Variants in GSTA5 observed in about 807,000 individuals in gnomAD.
GSTA5 encodes glutathione S-transferase A5.
A neutral mutation model predicts 21.8 loss-of-function variants in GSTA5; 25 were observed. That is an observed-to-expected ratio of 1.14 (90% CI 0.83 to 1.60). The LOEUF (loss-of-function observed/expected upper bound fraction) is 1.60. Ranked by LOEUF, GSTA5 falls within the 40% of genes most tolerant of loss-of-function variation. The probability of loss-of-function intolerance (pLI) is 0.00; values close to 1 mark genes in which losing one functional copy is unlikely to be tolerated. For missense variants in GSTA5, 330 were observed against 259.2 expected, an observed-to-expected ratio of 1.27 and a Z score of -1.88; for synonymous variants, 102 against 89.5, an observed-to-expected ratio of 1.14 and a Z score of -0.78.
intron 3 of GSTA5, among the ~76,000 whole-genome samples, 173 bp from the exon 4 acceptor site, chr6:52,834,455 T>C (rs1019949786): frequency 2.0e-5 from 3 of 152,208 alleles, no homozygotes; most frequent in Non-Finnish European, 2.9e-5. Context: ...AGTCATTATG[T>C]TCTGATTTTT....
At position 52,837,628 on chromosome 6, in the gene GSTA5, A is replaced by T. The variant is rs769690230; in HGVS notation, c.88-19T>A. On this transcript the variant is annotated intron_variant, in intron 1 of 5. Coordinates refer to ENST00000370989, the Ensembl canonical transcript of GSTA5. The stretch of plus-strand genomic sequence containing the variant: ...CTTCCAACTGGAAGCAGAAACAGTA[A>T]ATGGGTTCTTCTTAGTTAATTCTAT... 6.3e-7 allele frequency: 1 copy of T among 1,580,236 alleles called. No individual in the cohort carries two copies. Among genetic ancestry groups the T allele is most frequent in the South Asian group, 1.1e-5 (1 of 90,062 alleles).
upstream of GSTA5, among the ~76,000 whole-genome samples, chr6:52,843,290 T>C (rs1460484698): frequency 1.3e-5 from 2 of 152,218 alleles, no homozygotes; most frequent in African/African-American, 4.8e-5. Flanking sequence ...CTGGGTCAAA[T>C]AGTATTTCTA....
In GSTA5 at chr6:52,832,813, A is replaced by G. The variant is rs1300155410; in HGVS notation, c.546+46T>C. The G allele has an allele frequency of 5.6e-6, 9 of 1,612,196 alleles. No homozygotes were observed. The African/African-American group carries it at 9.4e-5, about 17-fold the overall frequency. On this transcript the variant is annotated intron_variant, in intron 5 of 5. Transcript: ENST00000370989. ...CCCGGGGCCCAGATATGAGATCCCA[A>G]TATAAGAGATGTGGGGCTGTCTCTC...
chr6:52,834,231 A>C, exon 4 of GSTA5: 1 of 1,614,044 alleles, frequency 6.2e-7, no homozygotes, highest in African/African-American at 1.3e-5. Context: ...ATATGAGCAG[A>C]AGAAGGATCA....
chr6:52,831,939 G>A (rs145528403), exon 6 of GSTA5: 324 of 1,613,562 alleles, frequency 2.0e-4, no homozygotes, highest in Non-Finnish European at 2.3e-4. Context: ...CTTCTTCACC[G>A]TGGGCAGGTT....
At position 52,840,632 on chromosome 6, in the gene GSTA5, T is replaced by C. The variant is rs192682541; in HGVS notation, c.87+95A>G. The C allele has an allele frequency of 6.2e-6, 7 of 1,127,930 alleles. No individual in the cohort carries two copies. In the Admixed American group the frequency reaches 1.3e-4, roughly 21 times the overall value. The allele number at this position is 1,127,930 out of a possible 1,614,324, so 69.9% of individuals were successfully genotyped here. A position where few individuals can be genotyped will look rare whatever the true frequency, so the allele number is the denominator to read the frequency against. ...CAGTCCATTTTTATTTAAGGCACAA[T>C]GCTTCAGTAAGTAATCATTGCATAG... On this transcript the variant is annotated intron_variant, in intron 1 of 5. Coordinates refer to ENST00000370989, the Ensembl canonical transcript of GSTA5.
intron 3 of GSTA5, among the ~76,000 whole-genome samples, chr6:52,835,191 C>G (rs993231213): frequency 2.0e-5 from 3 of 152,208 alleles, no homozygotes; most frequent in Non-Finnish European, 4.4e-5. Context: ...CACTCCTTTA[C>G]CTCCAGGCAA....
intron 3 of GSTA5, among the ~76,000 whole-genome samples, 179 bp from the exon 4 acceptor site, chr6:52,834,461 T>G (rs866438180): frequency 1.3e-5 from 2 of 152,182 alleles, no homozygotes; most frequent in African/African-American, 2.4e-5. Context: ...TATGTTCTGA[T>G]TTTTACAGGT....
intron 4 of GSTA5, 56 bp downstream of exon 4, chr6:52,834,085 A>G (rs1561925930): frequency 1.2e-5 from 19 of 1,605,552 alleles, no homozygotes; most frequent in Non-Finnish European, 1.5e-5. Context: ...CCCAGCCACT[A>G]TTTTTCTACT....
At chr6:52,834,326 A>G in intron 3 of GSTA5, 44 bp from the exon 4 acceptor site, 1 of 1,575,670 alleles carries the variant, frequency 6.3e-7, no homozygotes, top group Non-Finnish European at 8.6e-7. Context: ...CTTTTGCCTT[A>G]GATTTTATAG....
intron 1 of GSTA5, among the ~76,000 whole-genome samples, chr6:52,839,067 G>C (rs1403635191): frequency 6.6e-6 from 1 of 152,164 alleles, no homozygotes; most frequent in Non-Finnish European, 1.5e-5. Context: ...GGATCTAGAG[G>C]TCATGGGGGT....
At chr6:52,831,700 TAA>T (rs1764216842) in exon 6 of GSTA5, 2 of 931,678 alleles carry the variant, frequency 2.1e-6, no homozygotes, top group South Asian at 1.7e-5. Context: ...AGTTGACAGA[TAA>T]GAGTTATTTA....
At chr6:52,837,660 C>T (rs1398727542) in intron 1 of GSTA5, 51 bp from the exon 2 acceptor site, 8 of 1,332,632 alleles carry the variant, frequency 6.0e-6, no homozygotes, top group African/African-American at 2.9e-5. Flanking sequence ...CTATTATAGA[C>T]TTGTGATGTT....
chr6:52,833,095 T>C, intron 4 of GSTA5, 105 bp from the exon 5 acceptor site: 1 of 1,259,560 alleles, frequency 7.9e-7, no homozygotes, highest in Non-Finnish European at 1.1e-6. Flanking sequence ...TCTGTTGCCT[T>C]ATTGCATGGG....
In GSTA5 at chr6:52,833,035, G is replaced by T. The variant is rs1201255317; in HGVS notation, c.415-45C>A. The T allele has an allele frequency of 1.9e-6, 3 of 1,610,670 alleles. No homozygotes were observed. In the Middle Eastern group the frequency reaches 5.0e-4, roughly 266 times the overall value. On this transcript the variant is annotated intron_variant, in intron 4 of 5. Coordinates refer to ENST00000370989, the Ensembl canonical transcript of GSTA5. ...AGATCAGGAACACATGCACACCCAG[G>T]CTGGGACCCCTGCTTCTTTCAGAGC...
intron 4 of GSTA5, among the ~76,000 whole-genome samples, chr6:52,833,350 A>G (rs954114276): frequency 2.0e-5 from 3 of 152,126 alleles, no homozygotes; most frequent in African/African-American, 4.8e-5. Context: ...ATGTGGCTCT[A>G]CATTCTGCTC....
intron 5 of GSTA5, 80 bp downstream of exon 5, chr6:52,832,779 A>G (rs544497248): frequency 6.8e-5 from 109 of 1,601,098 alleles, no homozygotes; most frequent in Non-Finnish European, 8.5e-5. Context: ...GGGTCAAAAC[A>G]TGGTCAGTCC....
chr6:52,845,571 G>T (rs1764442733), upstream of GSTA5, among the ~76,000 whole-genome samples: 1 of 152,114 alleles, frequency 6.6e-6, no homozygotes. Context: ...GCTAATTAGT[G>T]GCAGAGGCTC....
At chr6:52,841,932 T>C (rs1023551061), upstream of GSTA5, among the ~76,000 whole-genome samples, 2 of 152,244 alleles carry the variant, frequency 1.3e-5, no homozygotes, top group African/African-American at 4.8e-5. Flanking sequence ...CCCAGTACTT[T>C]TTAAAATAAA....
Sources: gnomAD v4.1 joint callset for allele counts (sites outside exome capture counted in the v4.1 genomes callset) on GRCh38, gnomAD v4.1.1 for gene constraint, MANE v1.5 for transcripts, NCBI Gene and HGNC (gene_info 2026-07-23, HGNC 2026-07-21) for gene names.